The following SBF1 variants were observed in gnomAD, a reference collection of about 807,000 sequenced individuals.
SBF1 encodes the protein myotubularin-related protein 5.
A neutral mutation model predicts 215.8 loss-of-function variants in SBF1; 65 were observed. The observed-to-expected ratio is 0.30, with a 90% CI of 0.25 to 0.37. The LOEUF is 0.37. Among genes scored for constraint, SBF1 ranks in the 10% least tolerant of loss-of-function variants. The probability of loss-of-function intolerance (pLI) is 1.00; values close to 1 mark genes in which losing one functional copy is unlikely to be tolerated. For missense variants in SBF1, 2,634 were observed against 2,667.8 expected (o/e 0.99, Z 0.28); for synonymous variants, 1,410 against 1,122.8 (o/e 1.26, Z -5.11).
At position 50,457,333 on chromosome 22, in the gene SBF1, A is replaced by G. The variant is rs2067295281; in HGVS notation, c.3827-222T>C. 6 of 434,342 alleles carry G rather than the reference A, an allele frequency of 1.4e-5. No individual in the cohort carries two copies. The South Asian group carries it at 2.8e-4, about 20-fold the overall frequency. 26.9% of individuals were successfully genotyped at this position (434,342 alleles called of 1,614,324 possible). On this transcript the variant is annotated intron_variant, in intron 28 of 40. Coordinates refer to ENST00000380817, the MANE Select transcript of SBF1 (RefSeq NM_002972.4). ...CCGCAGAGCACTCCGTGGCAGCAGA[A>G]GGGCTATGCGGTGGGGATCCCGGGC...
At position 50,455,423 on chromosome 22, in the gene SBF1, CAGG is replaced by C. The variant is rs749590412; in HGVS notation, c.4369-17_4369-15del. On this transcript the variant is annotated splice_polypyrimidine_tract_variant and intron_variant, in intron 32 of 40. Transcript: ENST00000380817. ...CAAGGATACCACCTGCCAGCACCGC[CAGG>C]AGGTCAGCGAGGAGCCCGGGAGCCT... 6.2e-6 allele frequency: 10 copies of C among 1,612,092 alleles called. No homozygotes were observed. The highest frequency in any genetic ancestry group is 2.2e-5 in the South Asian group (2 of 91,040).
Position 50,467,351 on chromosome 22 carries a change from G to A in SBF1, c.536C>T (p.Ala179Val), listed in dbSNP as rs2067811898. The A allele has an allele frequency of 3.1e-6, 5 of 1,613,910 alleles. No individual in the cohort carries two copies. The highest frequency in any genetic ancestry group is 1.6e-4 in the Middle Eastern group (1 of 6,080). Residue 179 changes from alanine to valine, a missense_variant, in exon 5 of 41, where the codon GCT becomes GTT. Transcript: ENST00000380817. Reference sequence around the variant, plus strand: ...TCCAAAACTCACCTGCGAGCCCCCAGCCAGGGGCACAGTGCACGTCAGCAG... The same window carrying A: ...TCCAAAACTCACCTGCGAGCCCCCAACCAGGGGCACAGTGCACGTCAGCAG... ...GNLLTCTVPL[A>V]GGSQRTISLG...
At chr22:50,472,194 C>T (rs1002815910) in intron 1 of SBF1, among the ~76,000 whole-genome samples, 4 of 152,152 alleles carry the variant, frequency 2.6e-5, no homozygotes, top group African/African-American at 4.8e-5. Flanking sequence ...GAAAGGGTCA[C>T]GGCCAGCACA....
At chr22:50,473,518 GAC>G (rs1192592139) in intron 1 of SBF1, among the ~76,000 whole-genome samples, 1 of 152,216 alleles carries the variant, frequency 6.6e-6, no homozygotes, top group African/African-American at 2.4e-5. Context: ...GGTGCCATAA[GAC>G]ACACACTTGG....
At position 50,445,112 on chromosome 22, in the gene SBF1, G is replaced by T. The variant is rs2066723558; in HGVS notation, c.*2030C>A. ...CAAACCGCGTACTGTGAACCTTCCG[G>T]CCCCAAAGCCCCGGCCCGGCCAGGG... On this transcript the variant is annotated 3_prime_UTR_variant, in exon 41 of 41. Coordinates refer to ENST00000380817, the MANE Select transcript of SBF1 (RefSeq NM_002972.4). 6.6e-6 allele frequency: 1 copy of T among 152,580 alleles called. No homozygotes were observed. The highest frequency in any genetic ancestry group is 6.5e-5 in the Admixed American group (1 of 15,284). 9.5% of individuals were successfully genotyped at this position (152,580 alleles called of 1,614,324 possible).
intron 36 of SBF1, among the ~76,000 whole-genome samples, chr22:50,451,187 AAAAAAAGT>A (rs1472920600): frequency 6.8e-6 from 1 of 146,804 alleles, no homozygotes; most frequent in African/African-American, 2.5e-5. Context: ...AAAAAAAAAA[AAAAAAAGT>A]AGCCGGCACG....
Position 50,459,957 on chromosome 22 carries a change from G to A in SBF1, c.3486C>T (p.Cys1162=), listed in dbSNP as rs993717747. 1 of 1,613,668 alleles carries A rather than the reference G, an allele frequency of 6.2e-7. No homozygotes were observed. ...CAGCCCTGGCCGGCCCTCACCTGCGGCAGATGGCATACATGCGGTTGACCG... is the reference window on the plus strand; with the variant it reads ...CAGCCCTGGCCGGCCCTCACCTGCGACAGATGGCATACATGCGGTTGACCG... ...ISPVNRMYAI[C]RSYPGLLIVP... is the part of the protein sequence containing the mutation. Residue 1162 remains cysteine, a synonymous_variant, in exon 26 of 41, where the codon TGC becomes TGT. Coordinates refer to ENST00000380817, the MANE Select transcript of SBF1 (RefSeq NM_002972.4).
intron 36 of SBF1, among the ~76,000 whole-genome samples, chr22:50,453,112 A>C (rs2067112163): frequency 6.6e-6 from 1 of 152,242 alleles, no homozygotes; most frequent in Non-Finnish European, 1.5e-5. Flanking sequence ...AAAACCCATT[A>C]GACTGGATAA....
In SBF1 at chr22:50,448,563, CGAG is replaced by C. The variant is rs1449385434; in HGVS notation, c.5128_5130del (p.Leu1710del). ...CTCACACGGCCGTCTGGCCGGCCCT[CGAG>C]GCGCTGTGCAGCCTTCACCCGGTCC... is the stretch of plus-strand genomic sequence containing the variant. On this transcript the variant is annotated inframe_deletion, in exon 37 of 41. Coordinates refer to ENST00000380817, the MANE Select transcript of SBF1 (RefSeq NM_002972.4). The C allele has an allele frequency of 1.2e-6, 2 of 1,612,084 alleles. No homozygotes were observed. The highest frequency in any genetic ancestry group is 1.7e-6 in the Non-Finnish European group (2 of 1,179,926).
In SBF1 at chr22:50,462,853, GC is replaced by G. The variant is rs750497147; in HGVS notation, c.1968+16del. 26 of 1,612,868 alleles carry G rather than the reference GC, an allele frequency of 1.6e-5. No individual in the cohort carries two copies. Among genetic ancestry groups the G allele is most frequent in the Non-Finnish European group, 2.2e-5 (26 of 1,179,842 alleles). ...AGGGGGGGCTGGGAAGGAGACCTCA[GC>G]CATGCCAGCACTCACCCGGCAGAAG... On this transcript the variant is annotated intron_variant, in intron 17 of 40. Coordinates refer to ENST00000380817, the MANE Select transcript of SBF1 (RefSeq NM_002972.4).
chr22:50,473,609 G>A (rs1294557949), intron 1 of SBF1, among the ~76,000 whole-genome samples: 2 of 152,162 alleles, frequency 1.3e-5, no homozygotes, highest in African/African-American at 2.4e-5. Flanking sequence ...ATGCTAAAGA[G>A]GCTTCAGGAA....
At position 50,467,798 on chromosome 22, in the gene SBF1, C is replaced by T. The variant is rs200629709; in HGVS notation, c.267G>A (p.Ala89=). 23 of 1,613,760 alleles carry T rather than the reference C, an allele frequency of 1.4e-5. No individual in the cohort carries two copies. Among genetic ancestry groups the T allele is most frequent in the Middle Eastern group, 1.6e-4 (1 of 6,076 alleles). Residue 89 remains alanine, a synonymous_variant, in exon 3 of 41, where the codon GCG becomes GCA. Transcript: ENST00000380817. ...GCCCCAAGCTGACCTGTGAAGGCTCCGCTGGCTCCCAGAAGGTCAAGCAGG... is the reference window on the plus strand; with the variant it reads ...GCCCCAAGCTGACCTGTGAAGGCTCTGCTGGCTCCCAGAAGGTCAAGCAGG... ...YCACLTFWEP[A]EPSQETTRVE...
In SBF1 at chr22:50,467,851, C is replaced by T. The variant is rs556200860; in HGVS notation, c.214G>A (p.Asp72Asn). ...PPTFFVAVLT[D>N]INSERHYCAC... ...CAGTAGTGGCGCTCGGAGTTGATGTCGGTGAGGACAGCAACAAAGAAGGTC... is the reference window on the plus strand; with the variant it reads ...CAGTAGTGGCGCTCGGAGTTGATGTTGGTGAGGACAGCAACAAAGAAGGTC... Residue 72 changes from aspartate to asparagine, a missense_variant, in exon 3 of 41, where the codon GAC (aspartate) becomes AAC (asparagine). Coordinates refer to ENST00000380817, the MANE Select transcript of SBF1 (RefSeq NM_002972.4). The T allele has an allele frequency of 2.7e-5, 44 of 1,613,978 alleles. No individual in the cohort carries two copies. The highest frequency in any genetic ancestry group is 2.1e-4 in the South Asian group (19 of 91,064).
chr22:50,455,121 C>T lies in SBF1; in HGVS notation c.4576G>A (p.Glu1526Lys). ...AGGTAGAACTGGCTGAACTCAAACTCCATGGGGAACTGCAGGTGGACCTGC... is the reference window on the plus strand; with the variant it reads ...AGGTAGAACTGGCTGAACTCAAACTTCATGGGGAACTGCAGGTGGACCTGC... ...VHQVHLQFPM[E>K]FEFSQFYLKF... The change falls in exon 34 of 41, where the codon GAG becomes AAG. Residue 1526 changes from glutamate (E) to lysine (K), a missense_variant. Glu to Lys is a moderately conservative substitution (Grantham distance 56, BLOSUM62 1). Coordinates refer to ENST00000380817, the MANE Select transcript of SBF1 (RefSeq NM_002972.4). 6.2e-7 allele frequency: 1 copy of T among 1,614,114 alleles called. No homozygotes were observed. Among genetic ancestry groups the T allele is most frequent in the Non-Finnish European group, 8.5e-7 (1 of 1,180,030 alleles).
chr22:50,448,136 C>T, intron 38 of SBF1, 97 bp downstream of exon 38: 3 of 1,244,152 alleles, frequency 2.4e-6, no homozygotes, highest in Non-Finnish European at 3.4e-6. Context: ...TAAGCAAGCT[C>T]CTCAAAAGCA....
chr22:50,457,293 C>CCAGGG (rs977109273), intron 28 of SBF1, 182 bp from the exon 29 acceptor site: 9 of 485,670 alleles, frequency 1.9e-5, no homozygotes, highest in African/African-American at 1.4e-4. Context: ...GGCCTCTCTG[C>CCAGGG]CAGGGCAGGG....
intron 36 of SBF1, 59 bp downstream of exon 36, chr22:50,454,453 G>C: frequency 7.0e-7 from 1 of 1,429,580 alleles, no homozygotes; most frequent in Non-Finnish European, 9.7e-7. Flanking sequence ...GCACGACCCT[G>C]GTGTCTGAGC....
At chr22:50,453,774 G>C (rs965148936) in intron 36 of SBF1, among the ~76,000 whole-genome samples, 1 of 151,916 alleles carries the variant, frequency 6.6e-6, no homozygotes, top group Non-Finnish European at 1.5e-5. Flanking sequence ...GCGACAGAGC[G>C]AGACTCCATC....
chr22:50,467,938 C>A lies in SBF1; in HGVS notation c.142-15G>T. ...GGCTGGCAAAACTGCAGGGAAGGCT[C>A]AGCAGTCAGCTCCTCCCCCTACACC... is the stretch of plus-strand genomic sequence containing the variant. On this transcript the variant is annotated splice_polypyrimidine_tract_variant and intron_variant, in intron 2 of 40. Transcript: ENST00000380817. 1.2e-6 allele frequency: 2 copies of A among 1,612,960 alleles called. No homozygotes were observed. The highest frequency in any genetic ancestry group is 1.7e-6 in the Non-Finnish European group (2 of 1,179,678).
Sources: gnomAD v4.1 joint callset for allele counts (sites outside exome capture counted in the v4.1 genomes callset) on GRCh38, gnomAD v4.1.1 for gene constraint, MANE v1.5 for transcripts, NCBI Gene and HGNC (gene_info 2026-07-23, HGNC 2026-07-21) for gene names.